The following SYN3 variants were observed in gnomAD, a reference collection of about 807,000 sequenced individuals.
SYN3 encodes the protein synapsin-3.
Under a neutral mutation model 65.8 loss-of-function variants are expected in SYN3, and 35 were observed. The observed-to-expected ratio is 0.53, with a 90% CI of 0.41 to 0.70. The LOEUF is 0.70. SYN3 is among the 30% of genes least tolerant of loss of function. The pLI, the probability that SYN3 is intolerant of heterozygous loss-of-function variation, is 0.00. For synonymous variants in SYN3, 270 were observed against 292.9 expected, an observed-to-expected ratio of 0.92 and a Z score of 0.80; for missense variants, 680 against 749.0, an observed-to-expected ratio of 0.91 and a Z score of 1.08.
intron 1 of SYN3, among the ~76,000 whole-genome samples, chr22:33,034,882 C>G (rs564304567): frequency 5.8e-4 from 89 of 152,212 alleles, no homozygotes; most frequent in African/African-American, 2.0e-3. Flanking sequence ...GCTGCCCGGC[C>G]CTTGTGTCTC....
intron 6 of SYN3, among the ~76,000 whole-genome samples, chr22:32,653,948 T>C (rs998826573): frequency 4.6e-5 from 7 of 152,216 alleles, no homozygotes; most frequent in African/African-American, 1.4e-4. Flanking sequence ...GTGTGTTCTG[T>C]GAACACGTGC....
rs60455960 is a variant in SYN3, at chr22:32,747,305, A to AAAAACAAAAC, written c.711+117600_711+117609dup. ...TCAGGTCCAGTGTTCTTCCAAGACCAAAAACAAAACAAAACAAAACAAATC... is the reference window on the plus strand; with the variant it reads ...TCAGGTCCAGTGTTCTTCCAAGACCAAAAACAAAACAAAACAAAACAAAACAAAACAAATC... On this transcript the variant is annotated intron_variant, in intron 6 of 13. Transcript: ENST00000358763. 7.2e-3 allele frequency among the ~76,000 whole-genome samples: 1,086 copies of AAAAACAAAAC among 150,482 alleles called. 7 individuals carry two copies. Among genetic ancestry groups the AAAAACAAAAC allele is most frequent in the African/African-American group, 0.016 (648 of 40,656 alleles).
chr22:32,911,676 C>T (rs370310213), intron 4 of SYN3, among the ~76,000 whole-genome samples: 5 of 152,232 alleles, frequency 3.3e-5, no homozygotes, highest in East Asian at 3.9e-4. Flanking sequence ...CGGCTCTCCC[C>T]GGGAAACTGA....
intron 3 of SYN3, among the ~76,000 whole-genome samples, chr22:32,976,708 C>G (rs2052200267): frequency 6.6e-6 from 1 of 152,188 alleles, no homozygotes; most frequent in Non-Finnish European, 1.5e-5. Context: ...GTGCTGTCTC[C>G]TCCACGGGCC....
chr22:32,970,468 C>T (rs1393398082), intron 3 of SYN3, among the ~76,000 whole-genome samples: 3 of 150,004 alleles, frequency 2.0e-5, no homozygotes, highest in Non-Finnish European at 4.4e-5. Context: ...ATAGCAAGAC[C>T]CCGTCTCTAT....
At chr22:32,998,493 G>C (rs1284006810) in intron 2 of SYN3, among the ~76,000 whole-genome samples, 1 of 152,146 alleles carries the variant, frequency 6.6e-6, no homozygotes, top group Non-Finnish European at 1.5e-5. Flanking sequence ...TGGAAGAGCA[G>C]ATTTTCTGAG....
At chr22:32,758,705 T>TATATATATATATATATATATA (rs1277216646) in intron 6 of SYN3, among the ~76,000 whole-genome samples, 170 of 109,606 alleles carry the variant, frequency 1.6e-3, no homozygotes, top group Non-Finnish European at 2.4e-3. Flanking sequence ...TATATATGTC[T>TATATATATATATATATATATA]TATTAGTTCT....
chr22:33,040,673 C>T (rs757728188), intron 1 of SYN3, among the ~76,000 whole-genome samples: 4 of 152,136 alleles, frequency 2.6e-5, no homozygotes, highest in Non-Finnish European at 4.4e-5. Context: ...ACCAGGTGGA[C>T]GTAATTGAAT....
At chr22:32,541,852 A>G in intron 7 of SYN3, 139 bp from the exon 8 acceptor site, 1 of 997,512 alleles carries the variant, frequency 1.0e-6, no homozygotes, top group East Asian at 2.6e-5. Flanking sequence ...CAGACACGGG[A>G]AGCAAATCAT....
chr22:32,556,758 TACCCAATG>T (rs111928260), intron 7 of SYN3, among the ~76,000 whole-genome samples: 1,809 of 145,120 alleles, frequency 0.012, 42 homozygotes, highest in African/African-American at 0.041. Context: ...TATATCCATA[TACCCAATG>T]ACCCAATGAC....
chr22:32,704,964 G>T (rs941223055), intron 6 of SYN3, among the ~76,000 whole-genome samples: 1 of 152,154 alleles, frequency 6.6e-6, no homozygotes, highest in Non-Finnish European at 1.5e-5. Flanking sequence ...ACCTTTGTCA[G>T]GTGCATAGTT....
rs879694598 is a variant in SYN3, at chr22:32,951,013, AATTCCT to A, written c.370-19538_370-19533del. ...TCTTGGGAATGAAACTGTATCATTA[AATTCCT>A]TTAAAAAACATCAGCAGTCTGCATG... On this transcript the variant is annotated intron_variant, in intron 3 of 13. Coordinates refer to ENST00000358763, the MANE Select transcript of SYN3 (RefSeq NM_003490.4). Among the ~76,000 whole-genome samples, 98 of 152,302 alleles carry A rather than the reference AATTCCT, an allele frequency of 6.4e-4. 1 individual carries two copies. The highest frequency in any genetic ancestry group is 1.1e-3 in the Non-Finnish European group (77 of 68,042).
At chr22:32,655,456 C>T (rs905099147) in intron 6 of SYN3, among the ~76,000 whole-genome samples, 12 of 152,146 alleles carry the variant, frequency 7.9e-5, no homozygotes, top group East Asian at 5.8e-4. Flanking sequence ...GGAATTGGGC[C>T]GCACAGCAGG....
chr22:32,803,524 T>G (rs1006072141), intron 6 of SYN3, among the ~76,000 whole-genome samples: 1 of 152,158 alleles, frequency 6.6e-6, no homozygotes, highest in Admixed American at 6.5e-5. Flanking sequence ...TGGTACATCC[T>G]CCCCTCTCCT....
intron 1 of SYN3, among the ~76,000 whole-genome samples, chr22:33,056,911 C>T (rs2054262679): frequency 6.6e-6 from 1 of 152,170 alleles, no homozygotes; most frequent in African/African-American, 2.4e-5. Flanking sequence ...GAAGGGCACA[C>T]AGAGGGCTTG....
intron 6 of SYN3, among the ~76,000 whole-genome samples, chr22:32,702,783 A>AATAT (rs1174442248): frequency 6.6e-6 from 1 of 152,370 alleles, no homozygotes; most frequent in Non-Finnish European, 1.5e-5. Flanking sequence ...TTCCTGTGTG[A>AATAT]ATATTGCAGT....
chr22:32,674,860 CA>C (rs2060418647), intron 6 of SYN3, among the ~76,000 whole-genome samples: 1 of 152,132 alleles, frequency 6.6e-6, no homozygotes, highest in Admixed American at 6.5e-5. Flanking sequence ...TACCAGACAC[CA>C]AAACTTGCAG....
At chr22:32,727,219 A>T (rs544407728) in intron 6 of SYN3, among the ~76,000 whole-genome samples, 3 of 152,026 alleles carry the variant, frequency 2.0e-5, no homozygotes, top group Non-Finnish European at 4.4e-5. Context: ...GCCCCCACTT[A>T]TACGTGAGAA....
chr22:32,918,801 C>G (rs982663319), intron 4 of SYN3, among the ~76,000 whole-genome samples: 1 of 152,198 alleles, frequency 6.6e-6, no homozygotes, highest in Non-Finnish European at 1.5e-5. Context: ...ACACATACCA[C>G]ATCTATGAAG....
Sources: gnomAD v4.1 joint callset for allele counts (sites outside exome capture counted in the v4.1 genomes callset) on GRCh38, gnomAD v4.1.1 for gene constraint, MANE v1.5 for transcripts, NCBI Gene and HGNC (gene_info 2026-07-23, HGNC 2026-07-21) for gene names.